Variants in PLD1 observed in about 807,000 individuals in gnomAD.
The protein encoded by PLD1 is phospholipase D1, also known as choline phosphatase 1.
A neutral mutation model predicts 137.1 loss-of-function variants in PLD1; 112 were observed. That is an observed-to-expected ratio of 0.82 (90% CI 0.70 to 0.96). The LOEUF is 0.96. Ranked by LOEUF, PLD1 falls within the 40% of genes least tolerant of loss-of-function variation. PLD1 has a pLI of 0.00. For missense variants in PLD1, 1,321 were observed against 1,342.0 expected (o/e 0.98, Z 0.24); for synonymous variants, 431 against 454.7 (o/e 0.95, Z 0.66).
chr3:171,700,057 C>T (rs946546881), intron 11 of PLD1, among the ~76,000 whole-genome samples: 1 of 134,752 alleles, frequency 7.4e-6, no homozygotes, highest in African/African-American at 3.4e-5. Context: ...TCTCTCTCCC[C>T]CCTCTTTAAC....
At chr3:171,625,786 A>G (rs1406219103) in intron 23 of PLD1, among the ~76,000 whole-genome samples, 1 of 152,256 alleles carries the variant, frequency 6.6e-6, no homozygotes. Flanking sequence ...ACTGCAGCTG[A>G]GAGTCCTGTC....
chr3:171,719,958 G>A (rs1423819059), intron 8 of PLD1, among the ~76,000 whole-genome samples: 1 of 152,108 alleles, frequency 6.6e-6, no homozygotes, highest in African/African-American at 2.4e-5. Context: ...AAGTTATGAA[G>A]GAGTGTCATC....
intron 1 of PLD1, among the ~76,000 whole-genome samples, chr3:171,756,188 C>T (rs1421899091): frequency 6.6e-6 from 1 of 152,200 alleles, no homozygotes; most frequent in Non-Finnish European, 1.5e-5. Context: ...TTAGACTTTA[C>T]CTTTCCACCC....
chr3:171,793,041 G>C (rs1723281856), intron 1 of PLD1: 3 of 226,290 alleles, frequency 1.3e-5, no homozygotes, highest in South Asian at 5.7e-5. Context: ...ACACAAACCA[G>C]TGAAATTTGC....
intron 1 of PLD1, among the ~76,000 whole-genome samples, chr3:171,766,394 A>G (rs932328594): frequency 1.3e-5 from 2 of 152,288 alleles, no homozygotes; most frequent in East Asian, 1.9e-4. Context: ...TCCCACCTTC[A>G]AAATAACCCC....
chr3:171,686,123 CA>C (rs370165481), intron 16 of PLD1, among the ~76,000 whole-genome samples: 1,368 of 74,374 alleles, frequency 0.018, 10 homozygotes, highest in African/African-American at 0.054. Context: ...GACTCTATCT[CA>C]AAAAAAAAAA....
At chr3:171,752,678 T>C (rs547818379) in intron 1 of PLD1, among the ~76,000 whole-genome samples, 1 of 152,362 alleles carries the variant, frequency 6.6e-6, no homozygotes, top group East Asian at 1.9e-4. Context: ...TCTTTAGTAT[T>C]TGTTGAGAAG....
intron 23 of PLD1, among the ~76,000 whole-genome samples, chr3:171,624,602 T>C (rs1733926505): frequency 6.6e-6 from 1 of 152,128 alleles, no homozygotes; most frequent in Non-Finnish European, 1.5e-5. Context: ...TTGTATGTAG[T>C]TCCGTTAGAA....
At chr3:171,626,549 G>C (rs1165390278) in intron 23 of PLD1, among the ~76,000 whole-genome samples, 1 of 152,184 alleles carries the variant, frequency 6.6e-6, no homozygotes, top group Non-Finnish European at 1.5e-5. Flanking sequence ...GCACATAATT[G>C]TCAGATTCAG....
chr3:171,686,813 A>C lies in PLD1; in HGVS notation c.1754-15T>G, dbSNP rs755354798. The C allele has an allele frequency of 7.9e-7, 1 of 1,259,620 alleles. No homozygotes were observed. Among genetic ancestry groups the C allele is most frequent in the South Asian group, 1.3e-5 (1 of 77,490 alleles). The allele number at this position is 1,259,620 out of a possible 1,614,324, so 78.0% of individuals were successfully genotyped here. On this transcript the variant is annotated splice_polypyrimidine_tract_variant and intron_variant, in intron 15 of 26. Transcript: ENST00000351298. ...ATTAAAATAACCTAGAGAAATTAAG[A>C]ATTTTTTTACAAAAAAATACAAATA...
chr3:171,654,692 C>T (rs1359900594), intron 21 of PLD1, among the ~76,000 whole-genome samples: 3 of 152,092 alleles, frequency 2.0e-5, no homozygotes, highest in African/African-American at 7.2e-5. Flanking sequence ...TTTTTTCTCT[C>T]TGATCGCCAA....
rs776612402 is a variant in PLD1 at position 171,737,609 on chromosome 3, T to TTA, written c.210_211insTA (p.Asn71Ter). On this transcript the variant is annotated frameshift_variant, in exon 3 of 27. Transcript: ENST00000351298. LOFTEE classifies it high-confidence loss of function. ...CAGCCGGAGAGATACGTCTGTATAT[T>TTA]AGGCTCCTTAAATCCTTGAGTGTTA... 4.4e-6 allele frequency: 7 copies of TTA among 1,604,992 alleles called. No individual in the cohort carries two copies. Among genetic ancestry groups the TTA allele is most frequent in the Non-Finnish European group, 6.0e-6 (7 of 1,172,422 alleles).
chr3:171,806,402 A>C (rs963980646), intron 1 of PLD1, among the ~76,000 whole-genome samples: 8 of 152,258 alleles, frequency 5.3e-5, no homozygotes, highest in Non-Finnish European at 1.2e-4. Context: ...ATAAGATGCG[A>C]TTTGTATGAT....
At chr3:171,665,299 G>A (rs1004789056) in intron 19 of PLD1, among the ~76,000 whole-genome samples, 2 of 152,220 alleles carry the variant, frequency 1.3e-5, no homozygotes, top group East Asian at 1.9e-4. Flanking sequence ...GGAAGGGGAC[G>A]CCTGAAGGTC....
chr3:171,636,090 T>C (rs964210437), intron 23 of PLD1, among the ~76,000 whole-genome samples: 1 of 150,524 alleles, frequency 6.6e-6, no homozygotes, highest in African/African-American at 2.4e-5. Context: ...TGAAATTTAA[T>C]TGACCATAAT....
Position 171,644,989 on chromosome 3 carries a change from G to A in PLD1, c.2464C>T (p.Pro822Ser). The stretch of plus-strand genomic sequence containing the variant: ...TCTCCTTCGAACCCTGGCAGAAGTG[G>A]TATCACGACATATACCCGGTATTTC... ...NQKYRVYVVIPLLPGFEGDIS... is the reference protein window; with the variant it reads ...NQKYRVYVVISLLPGFEGDIS... The change falls in exon 22 of 27, where the codon CCA becomes TCA. Residue 822 changes from proline (P) to serine (S), a missense_variant. By Grantham distance (74) the Pro-to-Ser change is moderately conservative. Transcript: ENST00000351298. 1.9e-6 allele frequency: 3 copies of A among 1,613,794 alleles called. No homozygotes were observed. Among genetic ancestry groups the A allele is most frequent in the Non-Finnish European group, 2.5e-6 (3 of 1,179,678 alleles).
chr3:171,683,593 C>A (rs2108500348), intron 16 of PLD1, among the ~76,000 whole-genome samples: 1 of 152,308 alleles, frequency 6.6e-6, no homozygotes, highest in East Asian at 1.9e-4. Flanking sequence ...AAACTAACCT[C>A]ATGAGAGATG....
rs1177829396 is a variant in PLD1, at chr3:171,607,236, GGCT to G, written c.2883-1823_2883-1821del. ...TAAGAGATGTTTGCACATAGACATT[GGCT>G]GCTAATTGAGACCCAAAGCACAATT... On this transcript the variant is annotated intron_variant, in intron 25 of 26. Coordinates refer to ENST00000351298, the MANE Select transcript of PLD1 (RefSeq NM_002662.5). Among the ~76,000 whole-genome samples the G allele has an allele frequency of 1.1e-4, 17 of 152,192 alleles. No individual in the cohort carries two copies. The East Asian group carries it at 3.3e-3, about 29-fold the overall frequency.
intron 1 of PLD1, chr3:171,793,036 A>C: frequency 4.1e-6 from 1 of 242,792 alleles, no homozygotes; most frequent in South Asian, 4.8e-5. Context: ...TGGGAACACA[A>C]ACCAGTGAAA....
Sources: gnomAD v4.1 joint callset for allele counts (sites outside exome capture counted in the v4.1 genomes callset) on GRCh38, gnomAD v4.1.1 for gene constraint, MANE v1.5 for transcripts, NCBI Gene and HGNC (gene_info 2026-07-23, HGNC 2026-07-21) for gene names.